Variants in HERC2 observed in about 807,000 individuals in gnomAD.
HERC2 encodes HECT and RLD domain containing E3 ubiquitin protein ligase 2.
Under a neutral mutation model 537.7 loss-of-function variants are expected in HERC2, and 102 were observed. That is an observed-to-expected ratio of 0.19 (90% CI 0.16 to 0.22). HERC2 has a LOEUF of 0.22. HERC2 is among the 10% of genes least tolerant of loss of function. The pLI is 1.00. For synonymous variants in HERC2, 2,224 were observed against 2,466.2 expected, an observed-to-expected ratio of 0.90 and a Z score of 2.91; for missense variants, 4,236 against 6,198.2, an observed-to-expected ratio of 0.68 and a Z score of 10.63.
chr15:28,163,377 G>T, intron 68 of HERC2, 92 bp from the exon 69 acceptor site: 2 of 1,121,784 alleles, frequency 1.8e-6, no homozygotes, highest in Non-Finnish European at 2.6e-6. Context: ...GAGAACACAT[G>T]AATACCAACG....
intron 16 of HERC2, among the ~76,000 whole-genome samples, chr15:28,260,296 T>C (rs2075384552): frequency 6.6e-6 from 1 of 152,156 alleles, no homozygotes; most frequent in African/African-American, 2.4e-5. Context: ...ATTAAAAGCA[T>C]TTAACAAATT....
At chr15:28,308,543 C>A (rs1377169210) in intron 2 of HERC2, among the ~76,000 whole-genome samples, 1 of 152,150 alleles carries the variant, frequency 6.6e-6, no homozygotes, top group African/African-American at 2.4e-5. Context: ...CCTTTTATTT[C>A]TTTCTCTTGT....
intron 52 of HERC2, among the ~76,000 whole-genome samples, chr15:28,194,074 T>G (rs1221184502): frequency 6.6e-6 from 1 of 150,922 alleles, no homozygotes; most frequent in Non-Finnish European, 1.5e-5. Flanking sequence ...TGACCTTTTT[T>G]TTTTTTTTTG....
At chr15:28,121,032 T>A (rs1888825791) in intron 86 of HERC2, among the ~76,000 whole-genome samples, 1 of 152,206 alleles carries the variant, frequency 6.6e-6, no homozygotes, top group Non-Finnish European at 1.5e-5. Flanking sequence ...CACCTCCCAA[T>A]GTAACAGCAG....
In HERC2 at chr15:28,176,029, C is replaced by A. The variant is rs1222123981; in HGVS notation, c.9687-373G>T. Among the ~76,000 whole-genome samples, 1 of 152,148 alleles carries A rather than the reference C, an allele frequency of 6.6e-6. No homozygotes were observed. The highest frequency in any genetic ancestry group is 1.5e-5 in the Non-Finnish European group (1 of 68,040). On this transcript the variant is annotated intron_variant, in intron 63 of 92. Transcript: ENST00000261609. This position sits in a 1 kb window ranked among gnomAD's most constrained non-coding sequence, Gnocchi z 5.0. The stretch of plus-strand genomic sequence containing the variant: ...CTAAGGCCTGACACACCATCCACAG[C>A]CAGTCCAGGCACCTGCTCTTTTGCA...
intron 52 of HERC2, 123 bp from the exon 53 acceptor site, chr15:28,192,274 G>T: frequency 1.3e-6 from 1 of 778,716 alleles, no homozygotes; most frequent in Non-Finnish European, 2.0e-6. Flanking sequence ...ACTGAAAGGA[G>T]TTAATAAATG....
chr15:28,207,181 GC>G (rs1898571898), intron 44 of HERC2, among the ~76,000 whole-genome samples: 1 of 152,032 alleles, frequency 6.6e-6, no homozygotes, highest in Admixed American at 6.5e-5. Context: ...TGTTGCCCAG[GC>G]TGGAGTGCAG....
intron 53 of HERC2, 93 bp downstream of exon 53, chr15:28,191,868 A>C: frequency 1.7e-6 from 2 of 1,154,094 alleles, no homozygotes; most frequent in East Asian, 4.9e-5. Flanking sequence ...CTATCAGCAA[A>C]ACTTTGCAGG....
chr15:28,254,539 T>G lies in HERC2; in HGVS notation c.2872-21A>C, dbSNP rs772458726. ...ATATCCTGTAATTCATAAAAAGAAATTGTTTACAAGTGATCTCATTACCAG... is the reference window on the plus strand; with the variant it reads ...ATATCCTGTAATTCATAAAAAGAAAGTGTTTACAAGTGATCTCATTACCAG... On this transcript the variant is annotated intron_variant, in intron 19 of 92. Coordinates refer to ENST00000261609, the MANE Select transcript of HERC2 (RefSeq NM_004667.6). 8 of 1,548,370 alleles carry G rather than the reference T, an allele frequency of 5.2e-6. No homozygotes were observed. In the East Asian group the frequency reaches 1.8e-4, roughly 35 times the overall value.
intron 15 of HERC2, among the ~76,000 whole-genome samples, chr15:28,262,450 C>T (rs2075439880): frequency 6.6e-6 from 1 of 152,202 alleles, no homozygotes; most frequent in Admixed American, 6.5e-5. Flanking sequence ...ATGCTGGACA[C>T]CTTTGCAACT....
chr15:28,172,187 C>T (rs1894774760), intron 65 of HERC2, among the ~76,000 whole-genome samples: 1 of 152,000 alleles, frequency 6.6e-6, no homozygotes, highest in Admixed American at 6.5e-5. Flanking sequence ...AGACTGAATA[C>T]TGTGAATCCA....
At chr15:28,301,733 G>GTATATA (rs200259885) in intron 2 of HERC2, among the ~76,000 whole-genome samples, 1 of 30,906 alleles carries the variant, frequency 3.2e-5, no homozygotes, top group African/African-American at 1.0e-4. Flanking sequence ...TTGTATGTAT[G>GTATATA]TGTATATATA....
intron 2 of HERC2, among the ~76,000 whole-genome samples, chr15:28,302,954 G>C (rs966949070): frequency 1.3e-5 from 2 of 151,108 alleles, no homozygotes; most frequent in South Asian, 2.1e-4. Context: ...CCATTCTGTG[G>C]GTTGTCTCTT....
chr15:28,273,156 T>C, intron 7 of HERC2, 152 bp from the exon 8 acceptor site: 1 of 658,710 alleles, frequency 1.5e-6, no homozygotes, highest in Non-Finnish European at 2.7e-6. Context: ...CTACTCAAAT[T>C]TATTCAGAGA....
rs869089875 is a variant in HERC2 at position 28,316,222 on chromosome 15, C to CAAAA, written c.72+5136_72+5139dup. Among the ~76,000 whole-genome samples, 15 of 50,556 alleles carry CAAAA rather than the reference C, an allele frequency of 3.0e-4. No homozygotes were observed. In the East Asian group the frequency reaches 3.2e-3, roughly 11 times the overall value. The allele number at this position is 50,556 out of a possible 152,430, so 33.2% of individuals were successfully genotyped here. On this transcript the variant is annotated intron_variant, in intron 2 of 92. Coordinates refer to ENST00000261609, the MANE Select transcript of HERC2 (RefSeq NM_004667.6). ...TGGGCAACAGAGTGAGACTCTGTCT[C>CAAAA]AAAAAAAAAAAAAAAAAAAAAAAAA...
At chr15:28,243,565 A>G (rs563246760) in intron 23 of HERC2, among the ~76,000 whole-genome samples, 1 of 152,204 alleles carries the variant, frequency 6.6e-6, no homozygotes, top group Non-Finnish European at 1.5e-5. Context: ...AAAAATGCGC[A>G]CAAAACTTGA....
chr15:28,118,971 C>T (rs901831512), intron 86 of HERC2, among the ~76,000 whole-genome samples: 1 of 152,190 alleles, frequency 6.6e-6, no homozygotes, highest in Admixed American at 6.5e-5. Context: ...TTATCTGATT[C>T]TTAAGAAGGC....
At chr15:28,250,541 C>T (rs868448821) in intron 20 of HERC2, among the ~76,000 whole-genome samples, 1 of 152,216 alleles carries the variant, frequency 6.6e-6, no homozygotes, top group Non-Finnish European at 1.5e-5. Context: ...CTTCACAGCG[C>T]TCTATTTTCA....
intron 79 of HERC2, 21 bp from the exon 80 acceptor site, chr15:28,132,851 A>AT: frequency 6.6e-7 from 1 of 1,511,084 alleles, no homozygotes; most frequent in Non-Finnish European, 8.9e-7. Flanking sequence ...GTCACCAAAT[A>AT]TAATGGAAAC....
Sources: gnomAD v4.1 joint callset for allele counts (sites outside exome capture counted in the v4.1 genomes callset) on GRCh38, gnomAD v4.1.1 for gene constraint, Gnocchi (gnomAD v3.1) non-coding constraint, MANE v1.5 for transcripts, NCBI Gene and HGNC (gene_info 2026-07-23, HGNC 2026-07-21) for gene names.